The following ZNF562 variants were observed in gnomAD, a reference collection of about 807,000 sequenced individuals.
ZNF562 encodes the protein zinc finger protein 562.
Under a neutral mutation model 17.5 loss-of-function variants are expected in ZNF562, and 13 were observed. The observed-to-expected ratio is 0.74, with a 90% CI of 0.48 to 1.18. The LOEUF (loss-of-function observed/expected upper bound fraction) is 1.18, where lower values mean the gene tolerates loss of function less well. ZNF562 is among the 50% of genes most tolerant of loss of function. ZNF562 has a pLI of 0.00. For missense variants in ZNF562, 481 were observed against 498.5 expected (o/e 0.96, Z 0.33); for synonymous variants, 163 against 165.4 (o/e 0.99, Z 0.11).
At position 9,647,725 on chromosome 19, in the gene ZNF562, T is replaced by G. The variant is rs1468046698; in HGVS notation, c.*5224A>C. 6.6e-6 allele frequency: 1 copy of G among 151,846 alleles called. No homozygotes were observed. Among genetic ancestry groups the G allele is most frequent in the Non-Finnish European group, 1.5e-5 (1 of 67,978 alleles). The allele number at this position is 151,846 out of a possible 1,614,324, so 9.4% of individuals were successfully genotyped here. ...AATCAGCCAGGCAAGGTGGAGGCTG[T>G]CTGTAATCTCAGCTACTCGGGAGGC... On this transcript the variant is annotated 3_prime_UTR_variant, in exon 6 of 6. Coordinates refer to ENST00000453372, the MANE Select transcript of ZNF562 (RefSeq NM_001130031.2).
intron 1 of ZNF562, among the ~76,000 whole-genome samples, chr19:9,663,946 G>A (rs142417577): frequency 6.6e-6 from 1 of 151,936 alleles, no homozygotes; most frequent in Non-Finnish European, 1.5e-5. Flanking sequence ...GTAGAGATGG[G>A]GTTTCACAAT....
rs2074891820 is a variant in ZNF562, at chr19:9,652,911, G to T, written c.*38C>A. 2 of 1,466,522 alleles carry T rather than the reference G, an allele frequency of 1.4e-6. No homozygotes were observed. The highest frequency in any genetic ancestry group is 1.8e-6 in the Non-Finnish European group (2 of 1,107,128). 90.8% of individuals were successfully genotyped at this position (1,466,522 alleles called of 1,614,324 possible). ...TCTCTGGTAGGAGTTCACAGGTGGG[G>T]TGAGGAATACAGAAATTCTTTCCCA... On this transcript the variant is annotated 3_prime_UTR_variant, in exon 6 of 6. Coordinates refer to ENST00000453372, the MANE Select transcript of ZNF562 (RefSeq NM_001130031.2).
chr19:9,669,298 T>C (rs372336466), intron 1 of ZNF562, among the ~76,000 whole-genome samples: 1 of 151,940 alleles, frequency 6.6e-6, no homozygotes, highest in African/African-American at 2.4e-5. Context: ...AAGGTCAGAA[T>C]AGATGTTTCT....
At chr19:9,669,760 A>G (rs930299725) in intron 1 of ZNF562, among the ~76,000 whole-genome samples, 24 of 151,138 alleles carry the variant, frequency 1.6e-4, no homozygotes, top group Non-Finnish European at 3.0e-4. Flanking sequence ...ACACACACAC[A>G]CACACACACA....
At chr19:9,665,953 A>G (rs1330253161) in intron 1 of ZNF562, among the ~76,000 whole-genome samples, 2 of 151,712 alleles carry the variant, frequency 1.3e-5, no homozygotes, top group Non-Finnish European at 2.9e-5. Flanking sequence ...AGGATGCAGT[A>G]AGCCATAATC....
intron 3 of ZNF562, 128 bp from the exon 4 acceptor site, chr19:9,658,263 G>T (rs376397247): frequency 8.8e-6 from 12 of 1,364,048 alleles, no homozygotes; most frequent in Non-Finnish European, 1.1e-5. Flanking sequence ...TCTACTCCAG[G>T]GTTTAATGTC....
chr19:9,663,540 A>G (rs1258012079), intron 1 of ZNF562, among the ~76,000 whole-genome samples: 1 of 152,042 alleles, frequency 6.6e-6, no homozygotes, highest in Non-Finnish European at 1.5e-5. Context: ...CATTCCAAAA[A>G]TCATCACACT....
At chr19:9,654,286 C>T (rs1228251987) in intron 5 of ZNF562, among the ~76,000 whole-genome samples, 1 of 151,986 alleles carries the variant, frequency 6.6e-6, no homozygotes, top group Admixed American at 6.6e-5. Flanking sequence ...CCACCATGCA[C>T]AACATGTTTT....
Position 9,653,551 on chromosome 19 carries a change from T to C in ZNF562, c.679A>G (p.Ile227Val). The stretch of plus-strand genomic sequence containing the variant: ...TGAAATTCACAGAGTTTCTCTCCAA[T>C]GTGGATTCCCATGTGATTATCAAGG... ...ASLDNHMGIH[I>V]GEKLCEFQEC... Residue 227 changes from isoleucine (I) to valine (V), a missense_variant, in exon 6 of 6, where the codon ATT (isoleucine) becomes GTT (valine). This residue lies in a region of ZNF562 where 403 missense variants were observed against 386.4 expected (regional missense o/e 1.04). Transcript: ENST00000453372. The C allele has an allele frequency of 6.2e-7, 1 of 1,614,204 alleles. No individual in the cohort carries two copies. The highest frequency in any genetic ancestry group is 8.5e-7 in the Non-Finnish European group (1 of 1,180,024).
At chr19:9,655,746 T>TTTTTTTC (rs2043452837) in intron 5 of ZNF562, among the ~76,000 whole-genome samples, 1 of 104,244 alleles carries the variant, frequency 9.6e-6, no homozygotes, top group African/African-American at 4.4e-5. Flanking sequence ...TTTTTTTTTT[T>TTTTTTTC]TTTTTTAGAT....
intron 3 of ZNF562, among the ~76,000 whole-genome samples, chr19:9,659,175 A>G (rs1371324610): frequency 6.6e-6 from 1 of 152,256 alleles, no homozygotes; most frequent in Non-Finnish European, 1.5e-5. Context: ...AGTAGTAATT[A>G]CCGAGCTACT....
rs1028661170 is a variant in ZNF562 at position 9,659,571 on chromosome 19, C to T, written c.26-104G>A. The T allele has an allele frequency of 1.0e-4, 136 of 1,362,122 alleles. 1 individual carries two copies. In the Middle Eastern group the frequency reaches 1.5e-3, roughly 15 times the overall value. The allele number at this position is 1,362,122 out of a possible 1,614,324, so 84.4% of individuals were successfully genotyped here. A position where few individuals can be genotyped will look rare whatever the true frequency, so the allele number is the denominator to read the frequency against. ...AAATTCCCATATGCTCCTGCACACT[C>T]GAAAAAACTACACACACACAACACT... On this transcript the variant is annotated intron_variant, in intron 2 of 5. Coordinates refer to ENST00000453372, the MANE Select transcript of ZNF562 (RefSeq NM_001130031.2).
rs531991961 is a variant in ZNF562, at chr19:9,663,526, C to T, written c.-130-2652G>A. 1.5e-4 allele frequency among the ~76,000 whole-genome samples: 23 copies of T among 152,092 alleles called. No homozygotes were observed. In the South Asian group the frequency reaches 4.8e-3, roughly 32 times the overall value. ...TTCCAAAATATAGTCTTCAAGGGTC[C>T]TGACATTCCAAAAATCATCACACTG... On this transcript the variant is annotated intron_variant, in intron 1 of 5. Coordinates refer to ENST00000453372, the MANE Select transcript of ZNF562 (RefSeq NM_001130031.2).
At chr19:9,671,833 C>A (rs1183680773) in intron 1 of ZNF562, among the ~76,000 whole-genome samples, 1 of 152,196 alleles carries the variant, frequency 6.6e-6, no homozygotes, top group Non-Finnish European at 1.5e-5. Flanking sequence ...TCTTGAGAAA[C>A]AGGTTGTGGT....
rs1423371133 is a variant in ZNF562, at chr19:9,650,849, G to T, written c.*2100C>A. 1 of 150,470 alleles carries T rather than the reference G, an allele frequency of 6.6e-6. No individual in the cohort carries two copies. Among genetic ancestry groups the T allele is most frequent in the Non-Finnish European group, 1.5e-5 (1 of 67,884 alleles). 9.3% of individuals were successfully genotyped at this position (150,470 alleles called of 1,614,324 possible). A position where few individuals can be genotyped will look rare whatever the true frequency, so the allele number is the denominator to read the frequency against. On this transcript the variant is annotated 3_prime_UTR_variant, in exon 6 of 6. Transcript: ENST00000453372. ...GTGCATGCCAATAATCCCAGCTACTGAGGGTGAGGCAGGAGAATCACTGGA... is the reference window on the plus strand; with the variant it reads ...GTGCATGCCAATAATCCCAGCTACTTAGGGTGAGGCAGGAGAATCACTGGA...
At position 9,645,475 on chromosome 19, in the gene ZNF562, C is replaced by A. The variant is rs1004821465; in HGVS notation, c.*7474G>T. On this transcript the variant is annotated 3_prime_UTR_variant, in exon 6 of 6. Coordinates refer to ENST00000453372, the MANE Select transcript of ZNF562 (RefSeq NM_001130031.2). Reference sequence around the variant, plus strand: ...CAGTTGGCCTTTACTGTGTAATAAACAGCCACAAAAATTACTAGCTGAAAA... The same window carrying A: ...CAGTTGGCCTTTACTGTGTAATAAAAAGCCACAAAAATTACTAGCTGAAAA... 1 of 152,158 alleles carries A rather than the reference C, an allele frequency of 6.6e-6. No homozygotes were observed. The highest frequency in any genetic ancestry group is 1.5e-5 in the Non-Finnish European group (1 of 68,042). The allele number at this position is 152,158 out of a possible 1,614,324, so 9.4% of individuals were successfully genotyped here.
rs541353103 is a variant in ZNF562, at chr19:9,670,631, G to T, written c.-131+4384C>A. On this transcript the variant is annotated intron_variant, in intron 1 of 5. Coordinates refer to ENST00000453372, the MANE Select transcript of ZNF562 (RefSeq NM_001130031.2). ...GTGGGAGCTAAAAAGTGGATCTCAT[G>T]AGCATAGAGTACAGATTGATGGTTA... Among the ~76,000 whole-genome samples, 19 of 152,242 alleles carry T rather than the reference G, an allele frequency of 1.2e-4. No individual in the cohort carries two copies. In the South Asian group the frequency reaches 3.7e-3, roughly 30 times the overall value.
In ZNF562 at chr19:9,649,095, A is replaced by C. The variant is rs2074833676; in HGVS notation, c.*3854T>G. The C allele has an allele frequency of 6.6e-6, 1 of 152,342 alleles. No homozygotes were observed. Among genetic ancestry groups the C allele is most frequent in the East Asian group, 1.9e-4 (1 of 5,190 alleles). The allele number at this position is 152,342 out of a possible 1,614,324, so 9.4% of individuals were successfully genotyped here. On this transcript the variant is annotated 3_prime_UTR_variant, in exon 6 of 6. Coordinates refer to ENST00000453372, the MANE Select transcript of ZNF562 (RefSeq NM_001130031.2). ...TTTCATGGACATTTATTAGTTCCCC[A>C]AATTAATACTTTTATAATTTCTTAT...
At chr19:9,655,713 CTTTCTTTTTTTT>C (rs2043445360) in intron 5 of ZNF562, among the ~76,000 whole-genome samples, 4 of 54,552 alleles carry the variant, frequency 7.3e-5, no homozygotes, top group African/African-American at 2.7e-4. Context: ...ACTTTCTTTT[CTTTCTTTTTTTT>C]TTTTTTTTTT....
Sources: allele counts gnomAD v4.1 joint callset (sites outside exome capture counted in the v4.1 genomes callset), GRCh38; gene constraint gnomAD v4.1.1; regional missense constraint gnomAD v4.1.1; transcripts MANE v1.5; gene names NCBI Gene and HGNC (gene_info 2026-07-23, HGNC 2026-07-21).